Variants in EYS observed in about 807,000 individuals in gnomAD.
EYS encodes EGF-like photoreceptor maintenance factor, also known as protein eyes shut homolog.
Under a neutral mutation model 282.1 loss-of-function variants are expected in EYS, and 250 were observed. The observed-to-expected ratio is 0.89, with a 90% confidence interval of 0.80 to 0.98. The LOEUF (loss-of-function observed/expected upper bound fraction) is 0.98. EYS is among the 50% of genes least tolerant of loss of function. EYS has a pLI of 0.00. For missense variants in EYS, 4,016 were observed against 3,709.0 expected (o/e 1.08, Z -2.15); for synonymous variants, 1,355 against 1,282.9 (o/e 1.06, Z -1.20).
intron 31 of EYS, among the ~76,000 whole-genome samples, chr6:64,094,103 G>A (rs1255527625): frequency 6.6e-6 from 1 of 152,160 alleles, no homozygotes; most frequent in Admixed American, 6.5e-5. Flanking sequence ...CAGGGATGAA[G>A]CCCACTTGAT....
At chr6:65,432,380 C>G (rs889560920) in intron 5 of EYS, among the ~76,000 whole-genome samples, 1 of 151,966 alleles carries the variant, frequency 6.6e-6, no homozygotes, top group African/African-American at 2.4e-5. Flanking sequence ...TAGGTACATA[C>G]GTACACACAA....
At chr6:64,866,458 A>G (rs1456657987) in intron 19 of EYS, among the ~76,000 whole-genome samples, 2 of 151,846 alleles carry the variant, frequency 1.3e-5, no homozygotes, top group Non-Finnish European at 3.0e-5. Context: ...AAATTTGCCA[A>G]TATAGGTCAC....
intron 8 of EYS, among the ~76,000 whole-genome samples, chr6:65,357,909 T>C (rs184647079): frequency 2.8e-4 from 43 of 152,102 alleles, no homozygotes; most frequent in African/African-American, 9.9e-4. Flanking sequence ...ATTAAGTGAG[T>C]CAAACGTTAT....
At chr6:64,816,393 G>A (rs942248014) in intron 21 of EYS, among the ~76,000 whole-genome samples, 2 of 152,208 alleles carry the variant, frequency 1.3e-5, no homozygotes, top group South Asian at 4.1e-4. Context: ...TTGATTAGAC[G>A]TAACTACGGA....
intron 7 of EYS, among the ~76,000 whole-genome samples, chr6:65,393,699 T>C (rs1379806565): frequency 1.3e-5 from 2 of 151,928 alleles, no homozygotes; most frequent in Non-Finnish European, 2.9e-5. Context: ...TACCCATGAC[T>C]GATGTGGTGA....
At chr6:64,219,818 TA>T (rs570961165) in intron 31 of EYS, among the ~76,000 whole-genome samples, 17 of 152,314 alleles carry the variant, frequency 1.1e-4, no homozygotes, top group Non-Finnish European at 2.2e-4. Flanking sequence ...TAAGAAAATG[TA>T]GCACATATAC....
intron 13 of EYS, among the ~76,000 whole-genome samples, chr6:65,005,296 A>C (rs1200377616): frequency 6.8e-6 from 1 of 147,874 alleles, no homozygotes; most frequent in Non-Finnish European, 1.5e-5. Context: ...GCTGAACGCT[A>C]GTCACTGGGT....
rs187801893 is a variant in EYS at position 65,204,597 on chromosome 6, A to T, written c.2023+91266T>A. 2.6e-3 allele frequency among the ~76,000 whole-genome samples: 397 copies of T among 152,040 alleles called. 2 individuals carry two copies. Among genetic ancestry groups the T allele is most frequent in the African/African-American group, 9.1e-3 (376 of 41,538 alleles). ...CTCCATCATAAAAGCATATATAAGA[A>T]AGCTCACACATTACACAAAGCAATT... On this transcript the variant is annotated intron_variant, in intron 12 of 42. Transcript: ENST00000503581.
intron 34 of EYS, 141 bp from the exon 35 acceptor site, chr6:63,984,744 G>A (rs1476470169): frequency 8.7e-6 from 6 of 689,002 alleles, no homozygotes; most frequent in Non-Finnish European, 9.8e-6. Flanking sequence ...GGCTAGTTTT[G>A]TCACTTCTAC....
At chr6:63,795,749 C>T (rs183886381) in intron 37 of EYS, among the ~76,000 whole-genome samples, 19 of 151,888 alleles carry the variant, frequency 1.3e-4, no homozygotes, top group African/African-American at 3.6e-4. Flanking sequence ...CATGTATGAA[C>T]GAGAAGGGGA....
intron 13 of EYS, among the ~76,000 whole-genome samples, chr6:65,028,629 A>G (rs563813494): frequency 1.3e-5 from 2 of 152,192 alleles, no homozygotes; most frequent in Admixed American, 6.5e-5. Flanking sequence ...CAGGTTTTAT[A>G]TAACTTTGAA....
chr6:65,506,357 T>A (rs1461584809), intron 2 of EYS, among the ~76,000 whole-genome samples: 1 of 151,930 alleles, frequency 6.6e-6, no homozygotes, highest in Middle Eastern at 3.2e-3. Flanking sequence ...TTTAGTTGGG[T>A]ACTTTACATG....
chr6:64,322,575 T>A (rs1461227362), intron 29 of EYS, among the ~76,000 whole-genome samples: 1 of 151,888 alleles, frequency 6.6e-6, no homozygotes, highest in Admixed American at 6.6e-5. Context: ...ATATTTTGAA[T>A]TTACAAGTGG....
intron 26 of EYS, among the ~76,000 whole-genome samples, chr6:64,582,456 A>C (rs559944533): frequency 6.6e-6 from 1 of 152,278 alleles, no homozygotes; most frequent in South Asian, 2.1e-4. Flanking sequence ...CCCTGGTGCC[A>C]GAAATTTTGG....
chr6:65,098,213 T>C (rs1018257912), intron 12 of EYS, among the ~76,000 whole-genome samples: 1 of 150,706 alleles, frequency 6.6e-6, no homozygotes, highest in Non-Finnish European at 1.5e-5. Context: ...CTGGATAGAA[T>C]TGCCTCTGTT....
rs527264227 is a variant in EYS at position 65,144,688 on chromosome 6, A to AT, written c.2024-86962dup. 1.0e-3 allele frequency among the ~76,000 whole-genome samples: 155 copies of AT among 152,158 alleles called. 2 individuals carry two copies. Among genetic ancestry groups the AT allele is most frequent in the African/African-American group, 3.5e-3 (145 of 41,546 alleles). On this transcript the variant is annotated intron_variant, in intron 12 of 42. Coordinates refer to ENST00000503581, the MANE Select transcript of EYS (RefSeq NM_001142800.2). ...CAGTATATGTTCCATATTAGAATAAATTTTTTTAAAAAGGGATTAATTCAC... is the reference window on the plus strand; with the variant it reads ...CAGTATATGTTCCATATTAGAATAAATTTTTTTTAAAAAGGGATTAATTCAC...
chr6:65,171,649 A>G (rs1338190721), intron 12 of EYS, among the ~76,000 whole-genome samples: 1 of 151,450 alleles, frequency 6.6e-6, no homozygotes, highest in Non-Finnish European at 1.5e-5. Context: ...AAAAACAATC[A>G]AAACTCTGCC....
chr6:64,403,388 GCT>G (rs1470980881), intron 28 of EYS, among the ~76,000 whole-genome samples: 1 of 151,424 alleles, frequency 6.6e-6, no homozygotes, highest in Non-Finnish European at 1.5e-5. Flanking sequence ...ATGGCGTCTC[GCT>G]CTGTCACCCA....
intron 35 of EYS, among the ~76,000 whole-genome samples, chr6:63,918,516 G>T (rs1005431555): frequency 6.6e-6 from 1 of 152,070 alleles, no homozygotes; most frequent in Non-Finnish European, 1.5e-5. Context: ...TATTTCATTG[G>T]CAATAGGTGC....
Sources: allele counts gnomAD v4.1 joint callset (sites outside exome capture counted in the v4.1 genomes callset), GRCh38; gene constraint gnomAD v4.1.1; transcripts MANE v1.5; gene names NCBI Gene and HGNC (gene_info 2026-07-23, HGNC 2026-07-21).